The following PKHD1 variants were observed in gnomAD, a reference collection of about 807,000 sequenced individuals.
The protein encoded by PKHD1 is fibrocystin.
In PKHD1, 291 loss-of-function variants were observed where a neutral mutation model predicts 412.0. That is an observed-to-expected ratio of 0.71 (90% confidence interval 0.64 to 0.78). The LOEUF (loss-of-function observed/expected upper bound fraction) is 0.78. PKHD1 is among the 30% of genes least tolerant of loss of function. The pLI, the probability that PKHD1 is intolerant of heterozygous loss-of-function variation, is 0.00. For missense variants in PKHD1, 4,825 were observed against 4,950.7 expected (o/e 0.97, Z 0.76); for synonymous variants, 1,777 against 1,821.5 (o/e 0.98, Z 0.62).
intron 27 of PKHD1, among the ~76,000 whole-genome samples, chr6:52,039,013 C>T (rs1038313534): frequency 3.3e-5 from 5 of 152,134 alleles, no homozygotes; most frequent in African/African-American, 9.7e-5. Flanking sequence ...ACCCAAAATA[C>T]TTTAAGAACT....
Position 51,912,592 on chromosome 6 carries a change from G to T in PKHD1, c.6122-16C>A. Reference sequence around the variant, plus strand: ...GGTAGTGAACCTAAAGCAGCCCGAGGAAAAGTTGTCCAGATAATTTAATCA... The same window carrying T: ...GGTAGTGAACCTAAAGCAGCCCGAGTAAAAGTTGTCCAGATAATTTAATCA... On this transcript the variant is annotated splice_polypyrimidine_tract_variant and intron_variant, in intron 37 of 66. Coordinates refer to ENST00000371117, the MANE Select transcript of PKHD1 (RefSeq NM_138694.4). 6.4e-7 allele frequency: 1 copy of T among 1,552,916 alleles called. No individual in the cohort carries two copies. Among genetic ancestry groups the T allele is most frequent in the Non-Finnish European group, 8.9e-7 (1 of 1,124,646 alleles).
chr6:52,045,038 C>T lies in PKHD1; in HGVS notation c.2643G>A (p.Val881=). ...TGVNPAAATR[V]VYDGGVFLGP... ...CAAGAAAAACTCCACCATCATATAC[C>T]ACACGCGTGGCTGCAGCAGGATTCA... Residue 881 remains valine (V), a synonymous_variant, in exon 25 of 67, where the codon GTG becomes GTA. Transcript: ENST00000371117. The T allele has an allele frequency of 6.2e-7, 1 of 1,613,274 alleles. No homozygotes were observed. The highest frequency in any genetic ancestry group is 8.5e-7 in the Non-Finnish European group (1 of 1,179,284).
intron 60 of PKHD1, among the ~76,000 whole-genome samples, chr6:51,741,313 C>A (rs748299164): frequency 2.6e-5 from 4 of 152,166 alleles, no homozygotes; most frequent in Admixed American, 2.0e-4. Context: ...CTTCATACAC[C>A]AAAGGCTGCT....
chr6:51,939,350 C>G (rs1444245067), intron 36 of PKHD1, among the ~76,000 whole-genome samples: 1 of 151,514 alleles, frequency 6.6e-6, no homozygotes, highest in Non-Finnish European at 1.5e-5. Context: ...CCCGCTGACC[C>G]CTTCTCTCCG....
intron 60 of PKHD1, among the ~76,000 whole-genome samples, chr6:51,684,537 C>T (rs1263276769): frequency 1.3e-5 from 2 of 152,108 alleles, no homozygotes; most frequent in African/African-American, 2.4e-5. Flanking sequence ...ACTACAGCTA[C>T]CATTTAAAGA....
chr6:51,799,245 C>T (rs1192203419), intron 52 of PKHD1, among the ~76,000 whole-genome samples: 2 of 152,072 alleles, frequency 1.3e-5, no homozygotes, highest in Non-Finnish European at 2.9e-5. Context: ...AAGACAATAA[C>T]AGAAACATTA....
chr6:51,892,563 G>C (rs931093962), intron 43 of PKHD1, among the ~76,000 whole-genome samples: 16 of 152,250 alleles, frequency 1.1e-4, no homozygotes, highest in Admixed American at 7.2e-4. Context: ...ACGTAGTTGA[G>C]AAACCTTGGT....
chr6:51,637,295 T>C (rs138248759), intron 64 of PKHD1, among the ~76,000 whole-genome samples: 4 of 152,248 alleles, frequency 2.6e-5, no homozygotes, highest in Non-Finnish European at 5.9e-5. Context: ...TACAGCACAA[T>C]CCCTGGGAAT....
chr6:51,817,382 C>T (rs1765635239), intron 52 of PKHD1, among the ~76,000 whole-genome samples: 2 of 151,942 alleles, frequency 1.3e-5, no homozygotes, highest in Non-Finnish European at 2.9e-5. Flanking sequence ...AATACCTCAA[C>T]CTATGGGAGG....
In PKHD1 at chr6:52,072,256, C is replaced by T. The variant is rs544609623; in HGVS notation, c.528-67G>A. The stretch of plus-strand genomic sequence containing the variant: ...TGTGCAATACTCCCAATAAACATTC[C>T]TCACAAAACTCAGAGGAAACATGGC... On this transcript the variant is annotated intron_variant, in intron 7 of 66. Coordinates refer to ENST00000371117, the MANE Select transcript of PKHD1 (RefSeq NM_138694.4). 2.4e-4 allele frequency: 235 copies of T among 969,446 alleles called. 1 individual carries two copies. Among genetic ancestry groups the T allele is most frequent in the South Asian group, 1.1e-3 (86 of 76,004 alleles). The allele number at this position is 969,446 out of a possible 1,614,324, so 60.1% of individuals were successfully genotyped here.
intron 53 of PKHD1, among the ~76,000 whole-genome samples, chr6:51,780,243 T>G (rs7451825): frequency 0.59 from 89,019 of 151,714 alleles, 26,858 homozygotes; most frequent in East Asian, 0.83. Flanking sequence ...AAAATTAGCT[T>G]GGCGTGGTGC....
rs538629962 is a variant in PKHD1, at chr6:51,803,425, A to C, written c.8303-12052T>G. Among the ~76,000 whole-genome samples, 4 of 152,286 alleles carry C rather than the reference A, an allele frequency of 2.6e-5. No individual in the cohort carries two copies. In the East Asian group the frequency reaches 7.7e-4, roughly 29 times the overall value. Reference sequence around the variant, plus strand: ...TAACTATTCTAACAATAATATCTGGATTCTACAACCTCTATCAAAAGTCCC... The same window carrying C: ...TAACTATTCTAACAATAATATCTGGCTTCTACAACCTCTATCAAAAGTCCC... On this transcript the variant is annotated intron_variant, in intron 52 of 66. Transcript: ENST00000371117.
At chr6:51,729,954 C>A (rs1783046453) in intron 60 of PKHD1, among the ~76,000 whole-genome samples, 1 of 152,178 alleles carries the variant, frequency 6.6e-6, no homozygotes, top group African/African-American at 2.4e-5. Context: ...ACAATCCAAG[C>A]AGCTGGACTC....
chr6:51,812,713 G>A lies in PKHD1; in HGVS notation c.8302+18148C>T, dbSNP rs140870266. On this transcript the variant is annotated intron_variant, in intron 52 of 66. Transcript: ENST00000371117. ...TTATGGGGGAAATTTATATTCTTTAGAGAATCGCATTCCATCTCCAGGTCT... is the reference window on the plus strand; with the variant it reads ...TTATGGGGGAAATTTATATTCTTTAAAGAATCGCATTCCATCTCCAGGTCT... 5.9e-5 allele frequency among the ~76,000 whole-genome samples: 9 copies of A among 152,272 alleles called. No individual in the cohort carries two copies. The East Asian group carries it at 9.6e-4, about 16-fold the overall frequency.
chr6:51,661,378 C>A (rs1225539855), intron 60 of PKHD1, among the ~76,000 whole-genome samples: 1 of 151,714 alleles, frequency 6.6e-6, no homozygotes, highest in African/African-American at 2.4e-5. Flanking sequence ...AACATCCAAG[C>A]GAATGGGAGA....
At chr6:52,029,304 T>C (rs1276142885) in intron 29 of PKHD1, among the ~76,000 whole-genome samples, 1 of 152,218 alleles carries the variant, frequency 6.6e-6, no homozygotes, top group African/African-American at 2.4e-5. Flanking sequence ...TTAGCAACTC[T>C]ATTAAAATGT....
rs181153793 is a variant in PKHD1, at chr6:51,771,424, C to A, written c.8642+1278G>T. On this transcript the variant is annotated intron_variant, in intron 55 of 66. Coordinates refer to ENST00000371117, the MANE Select transcript of PKHD1 (RefSeq NM_138694.4). ...ATCACCTGAGGTCAGGAGTTCAACA[C>A]CAGCCTGACTGACATGGTGAAACAT... Among the ~76,000 whole-genome samples the A allele has an allele frequency of 3.9e-5, 6 of 152,160 alleles. No individual in the cohort carries two copies. In the East Asian group the frequency reaches 1.2e-3, roughly 29 times the overall value.
In PKHD1 at chr6:52,048,619, G is replaced by C; in HGVS notation, c.2280C>G (p.Arg760=). 6.2e-7 allele frequency: 1 copy of C among 1,614,102 alleles called. No homozygotes were observed. Among genetic ancestry groups the C allele is most frequent in the Non-Finnish European group, 8.5e-7 (1 of 1,179,990 alleles). ...CGTELPLITA[R]SVPTEGTEEG... ...CTTCTGTTCCTTCAGTGGGCACAGA[G>C]CTGTGGCACGTCAGAAACAAAGTAT... Residue 760 remains arginine, a splice_region_variant and synonymous_variant, in exon 23 of 67, where the codon CGC becomes CGG. Coordinates refer to ENST00000371117, the MANE Select transcript of PKHD1 (RefSeq NM_138694.4).
At chr6:51,776,134 C>T (rs1488651879) in intron 53 of PKHD1, among the ~76,000 whole-genome samples, 1 of 151,918 alleles carries the variant, frequency 6.6e-6, no homozygotes, top group Non-Finnish European at 1.5e-5. Context: ...CAGGTATTCA[C>T]TCTTCTTTCT....
Sources: allele counts gnomAD v4.1 joint callset (sites outside exome capture counted in the v4.1 genomes callset), GRCh38; gene constraint gnomAD v4.1.1; transcripts MANE v1.5; gene names NCBI Gene and HGNC (gene_info 2026-07-23, HGNC 2026-07-21).